The following IL1RAP variants were observed in gnomAD, a reference collection of about 807,000 sequenced individuals.
IL1RAP encodes interleukin-1 receptor accessory protein.
A neutral mutation model predicts 60.7 loss-of-function variants in IL1RAP; 35 were observed. The ratio of observed to expected loss-of-function variants is 0.58; its 90% CI spans 0.44 to 0.76. The LOEUF is 0.76. Ranked by LOEUF, IL1RAP falls within the 30% of genes least tolerant of loss-of-function variation. IL1RAP has a pLI of 0.00. For synonymous variants in IL1RAP, 268 were observed against 250.9 expected (o/e 1.07, Z -0.64); for missense variants, 572 against 693.9 (o/e 0.82, Z 1.97).
At position 190,564,272 on chromosome 3, in the gene IL1RAP, T is replaced by C; in HGVS notation, c.-1-17T>C. 1 of 1,569,468 alleles carries C rather than the reference T, an allele frequency of 6.4e-7. No individual in the cohort carries two copies. The highest frequency in any genetic ancestry group is 8.8e-7 in the Non-Finnish European group (1 of 1,139,656). On this transcript the variant is annotated splice_polypyrimidine_tract_variant and intron_variant, in intron 2 of 11. Transcript: ENST00000447382. ...AGTAGTAAGTGATTTCCCTTACCTT[T>C]GTATTTATGGTTACAGGATGACACT...
exon 12 of IL1RAP, chr3:190,657,642 G>T (rs374392566): frequency 2.0e-5 from 3 of 152,350 alleles, no homozygotes; most frequent in East Asian, 3.9e-4. Context: ...CATAGGCACA[G>T]ATAGTTATTT....
chr3:190,655,093 A>G (rs114794231), downstream of IL1RAP, among the ~76,000 whole-genome samples: 9 of 152,314 alleles, frequency 5.9e-5, no homozygotes, highest in African/African-American at 2.2e-4. Context: ...GATAAATACT[A>G]TGAACTACTA....
chr3:190,546,227 C>G (rs1161379206), intron 1 of IL1RAP, among the ~76,000 whole-genome samples: 1 of 152,236 alleles, frequency 6.6e-6, no homozygotes. Context: ...CCTCTCTGTT[C>G]TATAGATCAG....
intron 1 of IL1RAP, among the ~76,000 whole-genome samples, chr3:190,553,203 A>G (rs1725022665): frequency 6.6e-6 from 1 of 152,228 alleles, no homozygotes; most frequent in African/African-American, 2.4e-5. Context: ...CCCGCAAGGA[A>G]GTATTTTACA....
intron 3 of IL1RAP, among the ~76,000 whole-genome samples, chr3:190,589,519 A>C (rs905964914): frequency 6.6e-6 from 1 of 152,192 alleles, no homozygotes; most frequent in Non-Finnish European, 1.5e-5. Flanking sequence ...ACACAGTGGC[A>C]GGATTGTCGC....
At chr3:190,593,044 C>T (rs767232491) in intron 3 of IL1RAP, among the ~76,000 whole-genome samples, 3 of 152,104 alleles carry the variant, frequency 2.0e-5, no homozygotes, top group Non-Finnish European at 2.9e-5. Context: ...GAAACTGAAA[C>T]CGTGGCTTGT....
At chr3:190,566,600 C>T (rs1005155647) in intron 3 of IL1RAP, among the ~76,000 whole-genome samples, 1 of 152,130 alleles carries the variant, frequency 6.6e-6, no homozygotes, top group Non-Finnish European at 1.5e-5. Context: ...GTTCTCATAC[C>T]AGCCACATTG....
chr3:190,620,673 G>A (rs1292729608), intron 6 of IL1RAP, among the ~76,000 whole-genome samples: 10 of 152,126 alleles, frequency 6.6e-5, no homozygotes, highest in Admixed American at 6.6e-4. Flanking sequence ...GGTAGTTTGG[G>A]GAGGGAAAGG....
chr3:190,604,737 C>T (rs536856589), intron 4 of IL1RAP, among the ~76,000 whole-genome samples: 1 of 152,248 alleles, frequency 6.6e-6, no homozygotes, highest in African/African-American at 2.4e-5. Context: ...ACATCCATTT[C>T]TCCAGACATT....
At chr3:190,658,858 C>T (rs1490888142) in exon 12 of IL1RAP, 3 of 152,224 alleles carry the variant, frequency 2.0e-5, no homozygotes, top group African/African-American at 7.2e-5. Flanking sequence ...AATGTGAACT[C>T]ACCCTGAAAC....
Position 190,515,179 on chromosome 3 carries a change from T to A in IL1RAP, c.-89+960T>A, listed in dbSNP as rs149499949. 1.8e-3 allele frequency among the ~76,000 whole-genome samples: 271 copies of A among 152,116 alleles called. 1 individual carries two copies. The highest frequency in any genetic ancestry group is 0.014 in the Middle Eastern group (4 of 294). On this transcript the variant is annotated intron_variant, in intron 1 of 11. Coordinates refer to ENST00000447382, the MANE Select transcript of IL1RAP (RefSeq NM_002182.4). ...CTTCCATGTATTAGCAGTGTGAACTTGGGCAAGTTATCTCACCTTTCCGAT... is the reference window on the plus strand; with the variant it reads ...CTTCCATGTATTAGCAGTGTGAACTAGGGCAAGTTATCTCACCTTTCCGAT...
downstream of IL1RAP, chr3:190,655,854 A>T (rs1235974781): frequency 1.4e-6 from 2 of 1,453,154 alleles, no homozygotes; most frequent in Admixed American, 2.0e-5. Context: ...GTAAGTTTTC[A>T]CTATACATTG....
intron 1 of IL1RAP, among the ~76,000 whole-genome samples, chr3:190,547,727 T>G (rs1439142313): frequency 6.6e-6 from 1 of 152,228 alleles, no homozygotes; most frequent in Non-Finnish European, 1.5e-5. Flanking sequence ...ACTGTAAGTC[T>G]GCTGTGAATG....
At chr3:190,634,392 G>A (rs1407783582) in intron 9 of IL1RAP, among the ~76,000 whole-genome samples, 1 of 149,068 alleles carries the variant, frequency 6.7e-6, no homozygotes, top group Non-Finnish European at 1.5e-5. Context: ...GGGTTCAAAT[G>A]ATTCTCCTGC....
At chr3:190,562,720 ACACACACACACACACATCTGCTACATAAC>A (rs1726010508) in intron 2 of IL1RAP, among the ~76,000 whole-genome samples, 1 of 151,568 alleles carries the variant, frequency 6.6e-6, no homozygotes, top group South Asian at 2.1e-4. Context: ...ACACACACAC[ACACACACACACACACATCTGCTACATAAC>A]CACACACACA....
intron 1 of IL1RAP, among the ~76,000 whole-genome samples, chr3:190,540,461 G>C (rs758669123): frequency 2.9e-4 from 44 of 151,966 alleles, no homozygotes; most frequent in Middle Eastern, 3.4e-3. Flanking sequence ...ATTTCTTCCT[G>C]TCCTGGCTGT....
At chr3:190,559,527 C>T (rs1725706094) in intron 2 of IL1RAP, among the ~76,000 whole-genome samples, 1 of 152,106 alleles carries the variant, frequency 6.6e-6, no homozygotes, top group Admixed American at 6.5e-5. Flanking sequence ...TACAAATTAT[C>T]CTCTAATCAC....
At chr3:190,627,625 A>G (rs953102148) in intron 8 of IL1RAP, among the ~76,000 whole-genome samples, 176 bp downstream of exon 8, 1 of 152,238 alleles carries the variant, frequency 6.6e-6, no homozygotes, top group African/African-American at 2.4e-5. Flanking sequence ...CTGGGCTAGC[A>G]ATGCAAGGAA....
chr3:190,606,061 T>G (rs1315342240), intron 4 of IL1RAP, among the ~76,000 whole-genome samples: 1 of 152,102 alleles, frequency 6.6e-6, no homozygotes, highest in African/African-American at 2.4e-5. Context: ...AGAAAAGCCT[T>G]TGGATCACTG....
Sources: gnomAD v4.1 joint callset for allele counts (sites outside exome capture counted in the v4.1 genomes callset) on GRCh38, gnomAD v4.1.1 for gene constraint, MANE v1.5 for transcripts, NCBI Gene and HGNC (gene_info 2026-07-23, HGNC 2026-07-21) for gene names.